Variants in JRK observed in about 807,000 individuals in gnomAD.
JRK encodes the protein jerky protein homolog.
For missense variants in JRK, 720 were observed against 509.2 expected, an observed-to-expected ratio of 1.41 and a Z score of -3.98; for synonymous variants, 303 against 218.1, an observed-to-expected ratio of 1.39 and a Z score of -3.43.
In JRK at chr8:142,661,161, A is replaced by C. The variant is rs1445796821; in HGVS notation, c.*3191T>G. The C allele has an allele frequency of 2.4e-5, 24 of 985,382 alleles. No individual in the cohort carries two copies. The Admixed American group carries it at 1.5e-3, about 61-fold the overall frequency. The allele number at this position is 985,382 out of a possible 1,614,324, so 61.0% of individuals were successfully genotyped here. A position where few individuals can be genotyped will look rare whatever the true frequency, so the allele number is the denominator to read the frequency against. On this transcript the variant is annotated 3_prime_UTR_variant, in exon 2 of 2. Coordinates refer to ENST00000612905, the MANE Select transcript of JRK (RefSeq NM_003724.4). Reference sequence around the variant, plus strand: ...ACAGGCCCAGGGCAAGGTCTGCTCTAGACCCTCCTATGCAGGAGACAGACA... The same window carrying C: ...ACAGGCCCAGGGCAAGGTCTGCTCTCGACCCTCCTATGCAGGAGACAGACA...
chr8:142,645,037 C>G, the JRK span, among the ~76,000 whole-genome samples: 1 of 151,952 alleles, frequency 6.6e-6, no homozygotes, highest in South Asian at 2.1e-4. Flanking sequence ...TCTCACACAC[C>G]CACCTCTTCA....
chr8:142,656,315 T>G (rs1234752960), downstream of JRK, among the ~76,000 whole-genome samples: 1 of 152,198 alleles, frequency 6.6e-6, no homozygotes, highest in African/African-American at 2.4e-5. Context: ...TCCCAGAGCC[T>G]CTGACTGCAT....
the JRK span, among the ~76,000 whole-genome samples, chr8:142,650,588 C>A: frequency 8.3e-4 from 127 of 152,266 alleles, no homozygotes; most frequent in African/African-American, 2.7e-3. Flanking sequence ...ATGGGAGTTT[C>A]TCTGCACAAA....
Position 142,662,452 on chromosome 8 carries a change from A to G in JRK, c.*1900T>C. The G allele has an allele frequency of 1.1e-6, 1 of 949,156 alleles. No homozygotes were observed. The highest frequency in any genetic ancestry group is 1.2e-6 in the Non-Finnish European group (1 of 811,520). 58.8% of individuals were successfully genotyped at this position (949,156 alleles called of 1,614,324 possible). On this transcript the variant is annotated 3_prime_UTR_variant, in exon 2 of 2. Coordinates refer to ENST00000612905, the MANE Select transcript of JRK (RefSeq NM_003724.4). ...TATTAGGAGTGACACGTGAGCCCAGAAATGGCACAAAGTACATGATGTGCA... is the reference window on the plus strand; with the variant it reads ...TATTAGGAGTGACACGTGAGCCCAGGAATGGCACAAAGTACATGATGTGCA...
the JRK span, among the ~76,000 whole-genome samples, chr8:142,646,857 A>G: frequency 1.3e-5 from 2 of 152,250 alleles, no homozygotes; most frequent in African/African-American, 4.8e-5. Flanking sequence ...ATAGAAGTAC[A>G]TCTTGTAGAT....
At chr8:142,669,635 G>A (rs1476935712) in intron 1 of JRK, among the ~76,000 whole-genome samples, 2 of 152,116 alleles carry the variant, frequency 1.3e-5, no homozygotes, top group African/African-American at 2.4e-5. Context: ...GGGGCGTCAA[G>A]GCCAGGCCTG....
rs1378705969 is a variant in JRK at position 142,661,189 on chromosome 8, T to G, written c.*3163A>C. The G allele has an allele frequency of 1.0e-6, 1 of 985,328 alleles. No individual in the cohort carries two copies. The highest frequency in any genetic ancestry group is 1.2e-6 in the Non-Finnish European group (1 of 829,998). 61.0% of individuals were successfully genotyped at this position (985,328 alleles called of 1,614,324 possible). On this transcript the variant is annotated 3_prime_UTR_variant, in exon 2 of 2. Coordinates refer to ENST00000612905, the MANE Select transcript of JRK (RefSeq NM_003724.4). ...CCCTCCTATGCAGGAGACAGACAACTTCCAGGACAGCGTGCCTGGGGTGCT... is the reference window on the plus strand; with the variant it reads ...CCCTCCTATGCAGGAGACAGACAACGTCCAGGACAGCGTGCCTGGGGTGCT...
chr8:142,663,325 C>T lies in JRK; in HGVS notation c.*1027G>A, dbSNP rs1356776516. On this transcript the variant is annotated 3_prime_UTR_variant, in exon 2 of 2. Coordinates refer to ENST00000612905, the MANE Select transcript of JRK (RefSeq NM_003724.4). ...GAAAATAACCACATCCTCTTACAAC[C>T]GCCTCTGTGAAAACTGACCAGGACA... 10 of 985,296 alleles carry T rather than the reference C, an allele frequency of 1.0e-5. No individual in the cohort carries two copies. The highest frequency in any genetic ancestry group is 7.0e-5 in the African/African-American group (4 of 57,216). The allele number at this position is 985,296 out of a possible 1,614,324, so 61.0% of individuals were successfully genotyped here. A position where few individuals can be genotyped will look rare whatever the true frequency, so the allele number is the denominator to read the frequency against.
rs1554634151 is a variant in JRK at position 142,658,973 on chromosome 8, G to A, written c.*5379C>T. ...AAACAACAGAACTTTGCTGCTTCAT[G>A]GAGGAGCGTCAGTATGTCCACACCA... On this transcript the variant is annotated 3_prime_UTR_variant, in exon 2 of 2. Coordinates refer to ENST00000612905, the MANE Select transcript of JRK (RefSeq NM_003724.4). 6.2e-7 allele frequency: 1 copy of A among 1,606,456 alleles called. No homozygotes were observed. The highest frequency in any genetic ancestry group is 2.2e-5 in the East Asian group (1 of 44,694).
chr8:142,669,794 C>A (rs1390829461), intron 1 of JRK, 138 bp downstream of exon 1: 1 of 149,370 alleles, frequency 6.7e-6, no homozygotes, highest in Non-Finnish European at 1.5e-5. Context: ...CGCGACCAAC[C>A]CCGCCCCGCC....
In JRK at chr8:142,659,597, C is replaced by A; in HGVS notation, c.*4755G>T. 1 of 985,552 alleles carries A rather than the reference C, an allele frequency of 1.0e-6. No homozygotes were observed. The highest frequency in any genetic ancestry group is 1.2e-6 in the Non-Finnish European group (1 of 830,016). 61.1% of individuals were successfully genotyped at this position (985,552 alleles called of 1,614,324 possible). On this transcript the variant is annotated 3_prime_UTR_variant, in exon 2 of 2. Transcript: ENST00000612905. ...TCGTGCTGCCTAAGAGACCAGGACC[C>A]AGCAGGGGCCATACCCAGATTCAGA...
At position 142,660,906 on chromosome 8, in the gene JRK, G is replaced by A; in HGVS notation, c.*3446C>T. ...CTGGGACCCTGAACCTCCTCCAAAT[G>A]GACTTTAACTGGGGACAACTGATGA... On this transcript the variant is annotated 3_prime_UTR_variant, in exon 2 of 2. Transcript: ENST00000612905. 1 of 985,502 alleles carries A rather than the reference G, an allele frequency of 1.0e-6. No individual in the cohort carries two copies. The highest frequency in any genetic ancestry group is 1.2e-6 in the Non-Finnish European group (1 of 830,024). 61.0% of individuals were successfully genotyped at this position (985,502 alleles called of 1,614,324 possible).
Position 142,665,773 on chromosome 8 carries a change from A to G in JRK, c.286T>C (p.Trp96Arg). 1 of 777,368 alleles carries G rather than the reference A, an allele frequency of 1.3e-6. No homozygotes were observed. 48.2% of individuals were successfully genotyped at this position (777,368 alleles called of 1,614,324 possible). A position where few individuals can be genotyped will look rare whatever the true frequency, so the allele number is the denominator to read the frequency against. The change falls in exon 2 of 2, where the codon TGG (tryptophan) becomes CGG (arginine). Residue 96 changes from tryptophan to arginine, a missense_variant. Physicochemically the swap from Trp to Arg is moderately radical, Grantham distance 101. Coordinates refer to ENST00000612905, the MANE Select transcript of JRK (RefSeq NM_003724.4). ...LEHLDRVLYE[W>R]FLGKRSEGVP... ...CCCTCGGAGCGCTTCCCCAGGAACC[A>G]CTCGTACAGGACGCGGTCCAGGTGC...
chr8:142,665,036 C>A lies in JRK; in HGVS notation c.1023G>T (p.Arg341Ser). The A allele has an allele frequency of 1.4e-6, 1 of 715,734 alleles. No homozygotes were observed. Among genetic ancestry groups the A allele is most frequent in the Non-Finnish European group, 2.6e-6 (1 of 383,498 alleles). The allele number at this position is 715,734 out of a possible 1,614,324, so 44.3% of individuals were successfully genotyped here. A position where few individuals can be genotyped will look rare whatever the true frequency, so the allele number is the denominator to read the frequency against. The change falls in exon 2 of 2, where the codon AGG becomes AGT. Residue 341 changes from arginine (R) to serine (S), a missense_variant. Physicochemically the swap from Arg to Ser is moderately radical, Grantham distance 110. Transcript: ENST00000612905. ...MEQGIRRDFM[R>S]NFINPPVPLQ... Reference sequence around the variant, plus strand: ...GGGGGACCGGAGGGTTAATGAAGTTCCTCATGAAATCTCTCCGAATGCCCT... The same window carrying A: ...GGGGGACCGGAGGGTTAATGAAGTTACTCATGAAATCTCTCCGAATGCCCT...
rs1554635582 is a variant in JRK, at chr8:142,665,229, G to A, written c.830C>T (p.Pro277Leu). The A allele has an allele frequency of 2.8e-6, 2 of 717,940 alleles. No individual in the cohort carries two copies. The highest frequency in any genetic ancestry group is 4.0e-5 in the Admixed American group (2 of 50,030). 44.5% of individuals were successfully genotyped at this position (717,940 alleles called of 1,614,324 possible). ...FSDWFHHIFV[P>L]SVREHFRTIG... ...GGTTCTGAAGTGCTCTCTCACCGAG[G>A]GCACAAAGATATGATGGAACCAATC... Residue 277 changes from proline to leucine, a missense_variant, in exon 2 of 2, where the codon CCC becomes CTC. Transcript: ENST00000612905.
rs1847117405 is a variant in JRK at position 142,666,025 on chromosome 8, C to T, written c.34G>A (p.Gly12Arg). The change falls in exon 2 of 2, where the codon GGG (glycine) becomes AGG (arginine). Residue 12 changes from glycine (G) to arginine (R), a missense_variant. Gly to Arg is a moderately radical substitution (Grantham distance 125). Coordinates refer to ENST00000612905, the MANE Select transcript of JRK (RefSeq NM_003724.4). ...AGCACCACCCTCTTCCGCTTCTCCC[C>T]TCTGCTCTTCCCGGCAGCCGGCTTG... ...ASKPAAGKSR[G>R]EKRKRVVLTL... 4.5e-6 allele frequency: 7 copies of T among 1,547,740 alleles called. No individual in the cohort carries two copies. The highest frequency in any genetic ancestry group is 6.2e-6 in the Non-Finnish European group (7 of 1,120,614).
chr8:142,657,178 G>A, downstream of JRK, among the ~76,000 whole-genome samples: 1 of 152,268 alleles, frequency 6.6e-6, no homozygotes, highest in South Asian at 2.1e-4. Flanking sequence ...GGGCTGACTT[G>A]CACTGCTAGA....
rs773166178 is a variant in JRK at position 142,662,770 on chromosome 8, G to A, written c.*1582C>T. The A allele has an allele frequency of 1.3e-5, 13 of 985,322 alleles. No individual in the cohort carries two copies. The South Asian group carries it at 3.8e-4, about 28-fold the overall frequency. The allele number at this position is 985,322 out of a possible 1,614,324, so 61.0% of individuals were successfully genotyped here. ...GGTTTCAGTGGAATCAACAGCAGAC[G>A]CTGGAATGCAAACTACGTGCTGACT... On this transcript the variant is annotated 3_prime_UTR_variant, in exon 2 of 2. Transcript: ENST00000612905.
chr8:142,667,909 G>A (rs1185277260), intron 1 of JRK, among the ~76,000 whole-genome samples: 1 of 152,234 alleles, frequency 6.6e-6, no homozygotes, highest in Non-Finnish European at 1.5e-5. Context: ...GACTGGCAGG[G>A]CACAGAGGGC....
Sources: gnomAD v4.1 joint callset for allele counts (sites outside exome capture counted in the v4.1 genomes callset) on GRCh38, gnomAD v4.1.1 for gene constraint, MANE v1.5 for transcripts, NCBI Gene and HGNC (gene_info 2026-07-23, HGNC 2026-07-21) for gene names.